LRPPRC: variants seen among roughly 807,000 people sequenced by gnomAD.
LRPPRC encodes leucine-rich PPR motif-containing protein, mitochondrial.
A neutral mutation model predicts 180.3 loss-of-function variants in LRPPRC; 120 were observed. The ratio of observed to expected loss-of-function variants is 0.67; its 90% confidence interval spans 0.57 to 0.77. The LOEUF is 0.77. Ranked by LOEUF, LRPPRC falls within the 30% of genes least tolerant of loss-of-function variation. The pLI, the probability that LRPPRC is intolerant of heterozygous loss-of-function variation, is 0.00. For synonymous variants in LRPPRC, 723 were observed against 600.0 expected, an observed-to-expected ratio of 1.21 and a Z score of -3.00; for missense variants, 2,012 against 1,657.2, an observed-to-expected ratio of 1.21 and a Z score of -3.72.
At chr2:43,928,432 C>A (rs776661185) in intron 25 of LRPPRC, among the ~76,000 whole-genome samples, 3 of 152,172 alleles carry the variant, frequency 2.0e-5, no homozygotes, top group Non-Finnish European at 4.4e-5. Flanking sequence ...CTGAATTTAA[C>A]TCAAATAGAA....
rs929035554 is a variant in LRPPRC, at chr2:43,917,920, T to C, written c.3148+105A>G. ...CAAGAAATATGTAAAATTTAAGTCC[T>C]ATCTCTATCCTAGAGCACTTCTAAT... On this transcript the variant is annotated intron_variant, in intron 29 of 37. Transcript: ENST00000260665. The C allele has an allele frequency of 6.7e-6, 5 of 750,186 alleles. No homozygotes were observed. The African/African-American group carries it at 7.1e-5, about 11-fold the overall frequency. 46.5% of individuals were successfully genotyped at this position (750,186 alleles called of 1,614,324 possible).
chr2:43,948,027 T>C (rs1672756434), intron 18 of LRPPRC, 95 bp downstream of exon 18: 3 of 903,350 alleles, frequency 3.3e-6, no homozygotes, highest in Non-Finnish European at 5.4e-6. Context: ...ACAAATTTTT[T>C]TTCTGACCAA....
intron 1 of LRPPRC, among the ~76,000 whole-genome samples, chr2:43,991,670 A>G (rs960845680): frequency 2.6e-5 from 4 of 152,198 alleles, no homozygotes; most frequent in Admixed American, 2.6e-4. Context: ...TTTTCCAGAA[A>G]GCATCTATTT....
intron 23 of LRPPRC, among the ~76,000 whole-genome samples, chr2:43,936,846 A>T (rs143450093): frequency 6.6e-6 from 1 of 152,348 alleles, no homozygotes; most frequent in African/African-American, 2.4e-5. Context: ...TTACTGTCAT[A>T]GAAGAGAAAT....
intron 13 of LRPPRC, among the ~76,000 whole-genome samples, chr2:43,960,295 A>G (rs1673291048): frequency 6.6e-6 from 1 of 152,122 alleles, no homozygotes; most frequent in Non-Finnish European, 1.5e-5. Context: ...AAGAATATCC[A>G]CGTCTTCAGG....
rs1225665795 is a variant in LRPPRC, at chr2:43,976,198, G to A, written c.682C>T (p.Leu228Phe). The change falls in exon 6 of 38, where the codon CTC (leucine) becomes TTC (phenylalanine). Residue 228 changes from leucine to phenylalanine, a missense_variant. Transcript: ENST00000260665. The stretch of plus-strand genomic sequence containing the variant: ...CTGAATACTGCCTCTGTAACTGGGA[G>A]ATCCTTAGTTTTCATAAATCCAAGA... ...KILGFMKTKD[L>F]PVTEAVFSAL... 2 of 1,611,188 alleles carry A rather than the reference G, an allele frequency of 1.2e-6. No homozygotes were observed. Among genetic ancestry groups the A allele is most frequent in the South Asian group, 1.1e-5 (1 of 91,022 alleles).
intron 14 of LRPPRC, among the ~76,000 whole-genome samples, chr2:43,956,110 G>C (rs1036936516): frequency 6.7e-6 from 1 of 148,542 alleles, no homozygotes; most frequent in African/African-American, 2.5e-5. Flanking sequence ...ATGTAGAAGA[G>C]ACATTCCAGC....
intron 11 of LRPPRC, among the ~76,000 whole-genome samples, chr2:43,966,390 G>C (rs980764984): frequency 6.6e-6 from 1 of 151,278 alleles, no homozygotes. Flanking sequence ...TGAGAGAGTT[G>C]ATCTCAAGTG....
At chr2:43,892,080 A>G (rs1332536824) in intron 36 of LRPPRC, among the ~76,000 whole-genome samples, 2 of 152,232 alleles carry the variant, frequency 1.3e-5, no homozygotes, top group African/African-American at 4.8e-5. Flanking sequence ...AGGTTTAAGG[A>G]AAGAAGCCAT....
chr2:43,967,420 G>C (rs1165003162), intron 11 of LRPPRC, among the ~76,000 whole-genome samples: 1 of 152,068 alleles, frequency 6.6e-6, no homozygotes, highest in African/African-American at 2.4e-5. Context: ...TATAGATTTA[G>C]CTACACAATT....
chr2:43,996,047 C>A (rs1675056248), upstream of LRPPRC: 11 of 1,269,840 alleles, frequency 8.7e-6, no homozygotes, highest in East Asian at 5.7e-5. Flanking sequence ...AACTGCCGGG[C>A]GTGCCAAATG....
At chr2:43,903,517 T>C (rs530174639) in intron 31 of LRPPRC, 10 of 140,136 alleles carry the variant, frequency 7.1e-5, no homozygotes, top group Non-Finnish European at 1.4e-4. Flanking sequence ...ACTACTCCTG[T>C]CCTCACTGAT....
chr2:43,934,103 G>C, intron 25 of LRPPRC, 87 bp downstream of exon 25: 1 of 759,560 alleles, frequency 1.3e-6, no homozygotes, highest in Non-Finnish European at 2.3e-6. Context: ...ATCAGAACAA[G>C]TGTAATTAAA....
chr2:43,950,500 T>C, intron 15 of LRPPRC, 73 bp downstream of exon 15: 1 of 1,322,232 alleles, frequency 7.6e-7, no homozygotes, highest in Non-Finnish European at 1.1e-6. Flanking sequence ...ATGATAAAAA[T>C]TATTACATAA....
chr2:43,988,736 C>T (rs1357772965), intron 1 of LRPPRC, among the ~76,000 whole-genome samples: 1 of 151,824 alleles, frequency 6.6e-6, no homozygotes, highest in Non-Finnish European at 1.5e-5. Context: ...GTAGAAACGG[C>T]GTTTCACCAT....
In LRPPRC at chr2:43,904,037, G is replaced by A. The variant is rs372227756; in HGVS notation, c.3364+1655C>T. 15 of 152,210 alleles carry A rather than the reference G, an allele frequency of 9.9e-5. No homozygotes were observed. In the East Asian group the frequency reaches 1.7e-3, roughly 18 times the overall value. 9.4% of individuals were successfully genotyped at this position (152,210 alleles called of 1,614,324 possible). A position where few individuals can be genotyped will look rare whatever the true frequency, so the allele number is the denominator to read the frequency against. ...GGCTCATGGCAGCCTCAACCTCCTG[G>A]GCTTAAGCAATTCTCCCACCTCTGC... is the stretch of plus-strand genomic sequence containing the variant. On this transcript the variant is annotated intron_variant, in intron 31 of 37. Transcript: ENST00000260665.
At chr2:43,911,400 T>C (rs888706153) in intron 30 of LRPPRC, among the ~76,000 whole-genome samples, 32 of 152,012 alleles carry the variant, frequency 2.1e-4, no homozygotes, top group Non-Finnish European at 1.5e-5. Flanking sequence ...CACTGCCAGG[T>C]TTTCTTGTGA....
In LRPPRC at chr2:43,886,696, A is replaced by C. The variant is rs1670280968; in HGVS notation, c.*1904T>G. 1 of 152,196 alleles carries C rather than the reference A, an allele frequency of 6.6e-6. No individual in the cohort carries two copies. Among genetic ancestry groups the C allele is most frequent in the Non-Finnish European group, 1.5e-5 (1 of 68,054 alleles). The allele number at this position is 152,196 out of a possible 1,614,324, so 9.4% of individuals were successfully genotyped here. ...GATGGTACTTTCAGTTTCCCCAAAAAGATGACTGCGAAATCCAGATTACAC... is the reference window on the plus strand; with the variant it reads ...GATGGTACTTTCAGTTTCCCCAAAACGATGACTGCGAAATCCAGATTACAC... On this transcript the variant is annotated 3_prime_UTR_variant, in exon 38 of 38. Transcript: ENST00000260665.
chr2:43,908,763 G>A (rs1285026027), intron 30 of LRPPRC, among the ~76,000 whole-genome samples: 6 of 152,216 alleles, frequency 3.9e-5, no homozygotes, highest in African/African-American at 7.2e-5. Context: ...CTGACTGCAA[G>A]TGATCCACCT....
Sources: allele counts gnomAD v4.1 joint callset (sites outside exome capture counted in the v4.1 genomes callset), GRCh38; gene constraint gnomAD v4.1.1; transcripts MANE v1.5; gene names NCBI Gene and HGNC (gene_info 2026-07-23, HGNC 2026-07-21).